The following RHBDD1 variants were observed in gnomAD, a reference collection of about 807,000 sequenced individuals.
RHBDD1 encodes the protein rhomboid domain containing 1, also known as rhomboid-related protein 4.
Under a neutral mutation model 36.3 loss-of-function variants are expected in RHBDD1, and 38 were observed. That is an observed-to-expected ratio of 1.05 (90% CI 0.81 to 1.37). The LOEUF (loss-of-function observed/expected upper bound fraction) is 1.37, where lower values mean the gene tolerates loss of function less well. Among genes scored for constraint, RHBDD1 ranks in the 40% most tolerant of loss-of-function variants. The pLI is 0.00. For missense variants in RHBDD1, 393 were observed against 377.6 expected (o/e 1.04, Z -0.34); for synonymous variants, 151 against 136.5 (o/e 1.11, Z -0.74).
chr2:226,836,035 T>C (rs1386763481), upstream of RHBDD1: 1 of 152,512 alleles, frequency 6.6e-6, no homozygotes, highest in South Asian at 2.1e-4. Flanking sequence ...GGAACGTGCG[T>C]GATGACGCAC....
the RHBDD1 span, among the ~76,000 whole-genome samples, chr2:226,812,021 A>G: frequency 6.6e-6 from 1 of 152,202 alleles, no homozygotes; most frequent in Non-Finnish European, 1.5e-5. Context: ...CAATTCTGTC[A>G]ACTACTCAGG....
chr2:226,861,066 T>G (rs1943808204), intron 3 of RHBDD1, among the ~76,000 whole-genome samples: 1 of 152,230 alleles, frequency 6.6e-6, no homozygotes, highest in African/African-American at 2.4e-5. Flanking sequence ...GAATCATCAT[T>G]CTGTGAGAAA....
chr2:226,898,866 C>G (rs192763651), intron 5 of RHBDD1, among the ~76,000 whole-genome samples: 1 of 152,352 alleles, frequency 6.6e-6, no homozygotes, highest in East Asian at 1.9e-4. Context: ...TAGGCCACTT[C>G]TAGCTGACTG....
chr2:226,892,537 CT>C (rs1372934707), intron 5 of RHBDD1, among the ~76,000 whole-genome samples: 1 of 152,168 alleles, frequency 6.6e-6, no homozygotes, highest in Admixed American at 6.5e-5. Context: ...ACTTGTGAAT[CT>C]TTTGAAATAA....
chr2:226,807,483 T>C, the RHBDD1 span: 1 of 152,214 alleles, frequency 6.6e-6, no homozygotes, highest in Non-Finnish European at 1.5e-5. Flanking sequence ...CTTTGATTCC[T>C]AGGAAATTAA....
At chr2:226,930,143 GA>G (rs1295238307) in intron 8 of RHBDD1, among the ~76,000 whole-genome samples, 7 of 151,966 alleles carry the variant, frequency 4.6e-5, no homozygotes, top group African/African-American at 1.7e-4. Context: ...GTTTTTCACA[GA>G]AATGTAAAAA....
chr2:226,859,798 C>G (rs1479069620), intron 3 of RHBDD1, among the ~76,000 whole-genome samples: 1 of 152,048 alleles, frequency 6.6e-6, no homozygotes, highest in Non-Finnish European at 1.5e-5. Context: ...TGGACTTATT[C>G]TTGCTGTGAT....
intron 8 of RHBDD1, among the ~76,000 whole-genome samples, chr2:226,982,946 C>T (rs1166566054): frequency 6.6e-6 from 1 of 152,130 alleles, no homozygotes; most frequent in Non-Finnish European, 1.5e-5. Context: ...AGCTGGGTTG[C>T]ACTTTTATCT....
chr2:226,991,563 A>G (rs1958222598), intron 8 of RHBDD1, among the ~76,000 whole-genome samples: 1 of 152,242 alleles, frequency 6.6e-6, no homozygotes, highest in Admixed American at 6.5e-5. Context: ...GATGTTAGAG[A>G]TGAACAATCA....
At chr2:226,819,785 C>T in the RHBDD1 span, among the ~76,000 whole-genome samples, 1 of 152,070 alleles carries the variant, frequency 6.6e-6, no homozygotes, top group African/African-American at 2.4e-5. Flanking sequence ...TCAGTAGAAC[C>T]TTGAAAATTG....
intron 8 of RHBDD1, among the ~76,000 whole-genome samples, chr2:226,972,939 A>C (rs561138358): frequency 1.8e-4 from 28 of 151,894 alleles, no homozygotes; most frequent in African/African-American, 4.3e-4. Context: ...CAAAAAAAAA[A>C]AAAAAACAAA....
intron 8 of RHBDD1, among the ~76,000 whole-genome samples, chr2:226,981,995 C>G (rs1042931822): frequency 6.6e-6 from 1 of 152,228 alleles, no homozygotes; most frequent in African/African-American, 2.4e-5. Flanking sequence ...TTTCCTAAAC[C>G]ACAAGCTGCT....
chr2:226,885,744 A>T (rs576650108), intron 5 of RHBDD1, among the ~76,000 whole-genome samples: 4 of 152,322 alleles, frequency 2.6e-5, no homozygotes, highest in Admixed American at 2.6e-4. Flanking sequence ...TTTATAGTGG[A>T]AAAATTTAGT....
chr2:226,907,031 C>T (rs1948112387), intron 6 of RHBDD1, 150 bp downstream of exon 6: 1 of 786,172 alleles, frequency 1.3e-6, no homozygotes, highest in African/African-American at 1.7e-5. Context: ...GGTAAAACAA[C>T]CAGTGCAGTT....
intron 8 of RHBDD1, among the ~76,000 whole-genome samples, chr2:226,928,871 A>G (rs1015715445): frequency 1.3e-5 from 2 of 152,162 alleles, no homozygotes; most frequent in African/African-American, 4.8e-5. Context: ...ATTACTGTGA[A>G]CACCTCTATG....
intron 5 of RHBDD1, among the ~76,000 whole-genome samples, chr2:226,887,017 G>T (rs751751126): frequency 2.0e-5 from 3 of 152,196 alleles, no homozygotes; most frequent in Non-Finnish European, 1.5e-5. Context: ...CAAGCCTGTG[G>T]CAGGTTTAAT....
At chr2:226,971,906 C>T (rs1161584176) in intron 8 of RHBDD1, among the ~76,000 whole-genome samples, 3 of 126,294 alleles carry the variant, frequency 2.4e-5, no homozygotes, top group Non-Finnish European at 5.0e-5. Context: ...AAGCAAAAGC[C>T]CACTTTTTTT....
intron 5 of RHBDD1, among the ~76,000 whole-genome samples, chr2:226,894,610 A>G (rs547591475): frequency 6.6e-6 from 1 of 152,076 alleles, no homozygotes; most frequent in Non-Finnish European, 1.5e-5. Flanking sequence ...TTTTATTCTT[A>G]TTTTTTAGCT....
rs1165690177 is a variant in RHBDD1 at position 226,998,066 on chromosome 2, A to G, written c.*2544A>G. On this transcript the variant is annotated 3_prime_UTR_variant, in exon 9 of 9. Coordinates refer to ENST00000392062, the MANE Select transcript of RHBDD1 (RefSeq NM_001167608.3). The stretch of plus-strand genomic sequence containing the variant: ...TTTTTAATTTGGTTTATTTATTAGT[A>G]GCTCCCTGATTGTCTGTTAAGCCCC... 1 of 152,238 alleles carries G rather than the reference A, an allele frequency of 6.6e-6. No individual in the cohort carries two copies. Among genetic ancestry groups the G allele is most frequent in the African/African-American group, 2.4e-5 (1 of 41,456 alleles). 9.4% of individuals were successfully genotyped at this position (152,238 alleles called of 1,614,324 possible).
Sources: allele counts gnomAD v4.1 joint callset (sites outside exome capture counted in the v4.1 genomes callset), GRCh38; gene constraint gnomAD v4.1.1; transcripts MANE v1.5; gene names NCBI Gene and HGNC (gene_info 2026-07-23, HGNC 2026-07-21).